Variants in ROBO1 observed in about 807,000 individuals in gnomAD.
The protein encoded by ROBO1 is roundabout homolog 1.
A neutral mutation model predicts 195.9 loss-of-function variants in ROBO1; 149 were observed. The observed-to-expected ratio is 0.76, with a 90% CI of 0.67 to 0.87. ROBO1 has a LOEUF of 0.87. Ranked by LOEUF, ROBO1 falls within the 40% of genes least tolerant of loss-of-function variation. The pLI, the probability that ROBO1 is intolerant of heterozygous loss-of-function variation, is 0.00. For missense variants in ROBO1, 1,933 were observed against 2,068.3 expected, an observed-to-expected ratio of 0.93 and a Z score of 1.27; for synonymous variants, 816 against 733.2, an observed-to-expected ratio of 1.11 and a Z score of -1.82.
intron 1 of ROBO1, among the ~76,000 whole-genome samples, chr3:79,750,862 G>C (rs1045181854): frequency 6.6e-6 from 1 of 152,112 alleles, no homozygotes; most frequent in African/African-American, 2.4e-5. Context: ...TTCTCTGATT[G>C]TTTCAGGTGA....
intron 2 of ROBO1, among the ~76,000 whole-genome samples, chr3:79,274,995 C>A (rs1460872490): frequency 6.6e-6 from 1 of 151,858 alleles, no homozygotes; most frequent in Non-Finnish European, 1.5e-5. Context: ...ATAATAAGCA[C>A]TCTCTCAGCA....
At chr3:79,031,644 T>C (rs1189174700) in intron 3 of ROBO1, among the ~76,000 whole-genome samples, 1 of 152,200 alleles carries the variant, frequency 6.6e-6, no homozygotes, top group Non-Finnish European at 1.5e-5. Flanking sequence ...TCTCCCCTTC[T>C]AGGGGTTTTG....
chr3:79,483,434 C>T (rs201510917), intron 2 of ROBO1, among the ~76,000 whole-genome samples: 11 of 152,182 alleles, frequency 7.2e-5, no homozygotes, highest in East Asian at 3.9e-4. Flanking sequence ...TGACTGCATT[C>T]GGATGAAAAT....
At chr3:79,265,171 T>A (rs1285835525) in intron 2 of ROBO1, among the ~76,000 whole-genome samples, 1 of 151,888 alleles carries the variant, frequency 6.6e-6, no homozygotes, top group Non-Finnish European at 1.5e-5. Flanking sequence ...AATTATGTTT[T>A]AAGCCATGGA....
intron 2 of ROBO1, among the ~76,000 whole-genome samples, chr3:79,261,158 G>A (rs2082931709): frequency 6.6e-6 from 1 of 151,984 alleles, no homozygotes; most frequent in Non-Finnish European, 1.5e-5. Flanking sequence ...GACTTTCAAG[G>A]AACATAGTAT....
intron 9 of ROBO1, among the ~76,000 whole-genome samples, chr3:78,687,540 G>C (rs1276418929): frequency 6.6e-6 from 1 of 152,102 alleles, no homozygotes; most frequent in Non-Finnish European, 1.5e-5. Flanking sequence ...ACTGATTTAA[G>C]CAAAATTAAA....
At chr3:79,035,494 A>G (rs1288833822) in intron 3 of ROBO1, among the ~76,000 whole-genome samples, 1 of 152,166 alleles carries the variant, frequency 6.6e-6, no homozygotes, top group African/African-American at 2.4e-5. Context: ...CCCAGGCAGG[A>G]GGATCACTCG....
chr3:79,219,068 AATGT>A (rs2082097030), intron 2 of ROBO1, among the ~76,000 whole-genome samples: 1 of 152,134 alleles, frequency 6.6e-6, no homozygotes, highest in South Asian at 2.1e-4. Context: ...GCTTCTGACT[AATGT>A]ATGTTTCTTG....
intron 2 of ROBO1, among the ~76,000 whole-genome samples, chr3:79,398,078 A>C (rs2037219275): frequency 6.6e-6 from 1 of 152,180 alleles, no homozygotes; most frequent in Non-Finnish European, 1.5e-5. Context: ...TAATAGTGCT[A>C]AAACAAGATT....
intron 2 of ROBO1, among the ~76,000 whole-genome samples, chr3:79,547,059 C>T (rs1369197319): frequency 1.3e-5 from 2 of 151,562 alleles, no homozygotes; most frequent in Admixed American, 6.6e-5. Context: ...GTGGCGGGTG[C>T]CTCTAGTCCC....
intron 22 of ROBO1, among the ~76,000 whole-genome samples, chr3:78,638,050 T>G (rs1050180836): frequency 2.6e-5 from 4 of 151,838 alleles, no homozygotes; most frequent in Non-Finnish European, 2.9e-5. Context: ...TCTTGCAGAC[T>G]GTACATCTGA....
intron 4 of ROBO1, among the ~76,000 whole-genome samples, chr3:78,783,224 C>A (rs933081564): frequency 2.6e-5 from 4 of 152,136 alleles, no homozygotes; most frequent in South Asian, 2.1e-4. Flanking sequence ...AATTTCCCAT[C>A]ATCCACCTCC....
chr3:78,946,318 A>G (rs1003773000), intron 3 of ROBO1, among the ~76,000 whole-genome samples: 1 of 152,312 alleles, frequency 6.6e-6, no homozygotes, highest in Middle Eastern at 3.4e-3. Context: ...ACTAACAGCT[A>G]ATCTCTTGGC....
intron 3 of ROBO1, among the ~76,000 whole-genome samples, chr3:78,955,427 T>C (rs1477132191): frequency 6.6e-6 from 1 of 152,096 alleles, no homozygotes; most frequent in Non-Finnish European, 1.5e-5. Flanking sequence ...TGTGTTCTCA[T>C]TGTAAAACCA....
intron 3 of ROBO1, among the ~76,000 whole-genome samples, chr3:79,121,966 G>T (rs1431369048): frequency 6.6e-6 from 1 of 151,900 alleles, no homozygotes; most frequent in African/African-American, 2.4e-5. Flanking sequence ...GTTTTTGACA[G>T]AAATCTATAC....
chr3:78,709,338 ATATACCAATATTGGTATACCATG>A (rs540385651), intron 8 of ROBO1, among the ~76,000 whole-genome samples: 232 of 152,286 alleles, frequency 1.5e-3, no homozygotes, highest in African/African-American at 5.3e-3. Flanking sequence ...AGTTTCAATA[ATATACCAATATTGGTATACCATG>A]TATACCAATA....
intron 5 of ROBO1, among the ~76,000 whole-genome samples, chr3:78,739,730 C>G (rs1220548922): frequency 6.6e-6 from 1 of 152,124 alleles, no homozygotes; most frequent in Non-Finnish European, 1.5e-5. Flanking sequence ...TTATAGATTT[C>G]AATACTGAAC....
chr3:79,763,354 G>C (rs886086489), intron 1 of ROBO1, among the ~76,000 whole-genome samples: 2 of 152,122 alleles, frequency 1.3e-5, no homozygotes, highest in Admixed American at 1.3e-4. Context: ...AAAAATGTTA[G>C]CTTACTCCTC....
chr3:79,543,362 CTTCCT>C (rs1942147511), intron 2 of ROBO1, among the ~76,000 whole-genome samples: 1 of 152,030 alleles, frequency 6.6e-6, no homozygotes, highest in African/African-American at 2.4e-5. Flanking sequence ...CAGACATACT[CTTCCT>C]TTCAAGTTGA....
Sources: gnomAD v4.1 joint callset for allele counts (sites outside exome capture counted in the v4.1 genomes callset) on GRCh38, gnomAD v4.1.1 for gene constraint, MANE v1.5 for transcripts, NCBI Gene and HGNC (gene_info 2026-07-23, HGNC 2026-07-21) for gene names.